Variants in CACNA1D observed in about 807,000 individuals in gnomAD.
CACNA1D encodes voltage-dependent L-type calcium channel subunit alpha-1D.
Under a neutral mutation model 257.1 loss-of-function variants are expected in CACNA1D, and 55 were observed. The ratio of observed to expected loss-of-function variants is 0.21; its 90% CI spans 0.17 to 0.27. CACNA1D has a LOEUF of 0.27. Among genes scored for constraint, CACNA1D ranks in the 10% least tolerant of loss-of-function variants. The pLI is 1.00. For missense variants in CACNA1D, 1,876 were observed against 2,784.0 expected, an observed-to-expected ratio of 0.67 and a Z score of 7.34; for synonymous variants, 980 against 1,014.9, an observed-to-expected ratio of 0.97 and a Z score of 0.65.
At chr3:53,628,353 C>T (rs2093783624) in intron 3 of CACNA1D, among the ~76,000 whole-genome samples, 1 of 152,192 alleles carries the variant, frequency 6.6e-6, no homozygotes, top group Non-Finnish European at 1.5e-5. Flanking sequence ...TCCCCATCTT[C>T]CAAACCTTAG....
At chr3:53,674,573 G>A (rs2094355705) in intron 8 of CACNA1D, among the ~76,000 whole-genome samples, 1 of 152,230 alleles carries the variant, frequency 6.6e-6, no homozygotes, top group Admixed American at 6.5e-5. Flanking sequence ...TTCTGGCCTG[G>A]AAAGGGAACT....
chr3:53,734,443 T>A (rs1240015540), intron 19 of CACNA1D, among the ~76,000 whole-genome samples: 1 of 152,110 alleles, frequency 6.6e-6, no homozygotes, highest in Non-Finnish European at 1.5e-5. Context: ...TGTGTATGTT[T>A]TATATATATG....
At chr3:53,705,913 T>C (rs2094683901) in intron 9 of CACNA1D, among the ~76,000 whole-genome samples, 1 of 152,208 alleles carries the variant, frequency 6.6e-6, no homozygotes, top group Non-Finnish European at 1.5e-5. Context: ...GAGGCCCACA[T>C]GGTCCTCCTC....
chr3:53,805,834 T>C (rs1559722057), intron 45 of CACNA1D, among the ~76,000 whole-genome samples: 1 of 124,172 alleles, frequency 8.1e-6, no homozygotes, highest in Non-Finnish European at 1.7e-5. Flanking sequence ...CCATCTTCCC[T>C]CCTCCTCCAT....
intron 3 of CACNA1D, among the ~76,000 whole-genome samples, chr3:53,509,364 T>C (rs1293678292): frequency 1.3e-5 from 2 of 152,068 alleles, no homozygotes; most frequent in African/African-American, 2.4e-5. Context: ...GAGGTGGGCA[T>C]TGTTGACACA....
chr3:53,532,958 C>T (rs1575777062), intron 3 of CACNA1D, among the ~76,000 whole-genome samples: 3 of 152,154 alleles, frequency 2.0e-5, no homozygotes, highest in African/African-American at 7.2e-5. Context: ...GGTTTTTGTT[C>T]CTGTAACATT....
At chr3:53,538,448 C>T (rs1279479752) in intron 3 of CACNA1D, among the ~76,000 whole-genome samples, 3 of 152,110 alleles carry the variant, frequency 2.0e-5, no homozygotes, top group East Asian at 1.9e-4. Context: ...TGAGCCACAG[C>T]GCCTGGCCTG....
intron 22 of CACNA1D, 151 bp from the exon 23 acceptor site, chr3:53,744,589 G>C: frequency 1.4e-6 from 1 of 713,514 alleles, no homozygotes. Context: ...AGTCGCCTCT[G>C]AGTCGTGAAG....
intron 9 of CACNA1D, 66 bp downstream of exon 9, chr3:53,702,876 G>A: frequency 6.4e-7 from 1 of 1,564,206 alleles, no homozygotes; most frequent in Non-Finnish European, 8.8e-7. Context: ...CCTAGCAGTA[G>A]GCCTTCCTCG....
At chr3:53,663,250 G>T (rs1012775748) in intron 5 of CACNA1D, among the ~76,000 whole-genome samples, 3 of 152,130 alleles carry the variant, frequency 2.0e-5, no homozygotes, top group African/African-American at 4.8e-5. Context: ...TCTGGTTTCC[G>T]ATGTAAGCAT....
intron 3 of CACNA1D, among the ~76,000 whole-genome samples, chr3:53,557,235 G>A (rs940637018): frequency 3.9e-5 from 6 of 152,158 alleles, no homozygotes; most frequent in South Asian, 2.1e-4. Context: ...GTGGCTCACC[G>A]CTGTAATCCC....
intron 3 of CACNA1D, among the ~76,000 whole-genome samples, chr3:53,549,199 T>G (rs1434651975): frequency 2.0e-5 from 3 of 152,230 alleles, no homozygotes; most frequent in Non-Finnish European, 4.4e-5. Context: ...TGGCTGAGTA[T>G]AGTAGGCATT....
intron 6 of CACNA1D, 42 bp from the exon 7 acceptor site, chr3:53,666,297 G>A (rs372621765): frequency 1.2e-4 from 184 of 1,586,916 alleles, no homozygotes; most frequent in Non-Finnish European, 1.5e-4. Flanking sequence ...ATTTCCTGAT[G>A]TTTCTGTCCT....
rs1258143005 is a variant in CACNA1D at position 53,803,469 on chromosome 3, C to T, written c.5482C>T (p.Pro1828Ser). ...GCTCCCAACTATTTGCCGGGAAGAC[C>T]CAGAGATACATGGCTATTTCAGGGA... ...EQLPTICRED[P>S]EIHGYFRDPH... Residue 1828 changes from proline (P) to serine (S), a missense_variant, in exon 44 of 48, where the codon CCA becomes TCA. By Grantham distance (74) the Pro-to-Ser change is moderately conservative. Around this residue, in one of 10 missense-constraint regions of CACNA1D, gnomAD observed 491 missense variants for 554.3 expected, o/e 0.89. Transcript: ENST00000350061. 6.2e-7 allele frequency: 1 copy of T among 1,614,238 alleles called. No individual in the cohort carries two copies. The highest frequency in any genetic ancestry group is 8.5e-7 in the Non-Finnish European group (1 of 1,180,034).
chr3:53,679,269 TCAAAAAAAAAAAAA>T (rs1250810523), intron 8 of CACNA1D: 6 of 6,376 alleles, frequency 9.4e-4, no homozygotes, highest in Admixed American at 3.0e-3. Context: ...AAACTCCATC[TCAAAAAAAAAAAAA>T]AAAAAAAAAA....
chr3:53,667,952 T>C (rs375424609), intron 7 of CACNA1D, among the ~76,000 whole-genome samples: 6 of 152,218 alleles, frequency 3.9e-5, no homozygotes, highest in African/African-American at 1.4e-4. Flanking sequence ...ATGGCTTCTG[T>C]ATGCAGGAGG....
At chr3:53,588,830 CTG>C (rs1575990764) in intron 3 of CACNA1D, among the ~76,000 whole-genome samples, 2 of 152,182 alleles carry the variant, frequency 1.3e-5, no homozygotes, top group Admixed American at 1.3e-4. Context: ...CTATCAATAA[CTG>C]TAACAGATTC....
intron 3 of CACNA1D, among the ~76,000 whole-genome samples, chr3:53,649,184 G>A (rs934800560): frequency 1.3e-5 from 2 of 152,212 alleles, no homozygotes; most frequent in African/African-American, 4.8e-5. Flanking sequence ...GCACAAGGGT[G>A]TTGGGGATAC....
chr3:53,569,593 A>T (rs369923978), intron 3 of CACNA1D, among the ~76,000 whole-genome samples: 162 of 152,332 alleles, frequency 1.1e-3, no homozygotes, highest in African/African-American at 3.7e-3. Context: ...TACTAGTATT[A>T]GGGTGCCCTA....
Sources: allele counts gnomAD v4.1 joint callset (sites outside exome capture counted in the v4.1 genomes callset), GRCh38; gene constraint gnomAD v4.1.1; regional missense constraint gnomAD v4.1.1; transcripts MANE v1.5; gene names NCBI Gene and HGNC (gene_info 2026-07-23, HGNC 2026-07-21).